FYB1: variants seen among roughly 807,000 people sequenced by gnomAD.
The protein encoded by FYB1 is FYN-binding protein 1.
In FYB1, 41 loss-of-function variants were observed where a neutral mutation model predicts 94.1. The ratio of observed to expected loss-of-function variants is 0.44; its 90% CI spans 0.34 to 0.57. The LOEUF (loss-of-function observed/expected upper bound fraction) is 0.57, where lower values mean the gene tolerates loss of function less well. Among genes scored for constraint, FYB1 ranks in the 20% least tolerant of loss-of-function variants. FYB1 has a pLI of 0.02. For missense variants in FYB1, 1,050 were observed against 976.8 expected, an observed-to-expected ratio of 1.07 and a Z score of -1.00; for synonymous variants, 367 against 353.2, an observed-to-expected ratio of 1.04 and a Z score of -0.44.
chr5:39,259,733 G>A (rs934182225), intron 1 of FYB1, among the ~76,000 whole-genome samples: 2 of 152,106 alleles, frequency 1.3e-5, no homozygotes, highest in African/African-American at 4.8e-5. Context: ...CAGAATATAA[G>A]AATATTTAAA....
chr5:39,200,667 A>T (rs910329830), intron 2 of FYB1, among the ~76,000 whole-genome samples: 2 of 152,218 alleles, frequency 1.3e-5, no homozygotes, highest in African/African-American at 4.8e-5. Flanking sequence ...GTGTGTTTGA[A>T]TTAGCAGAGG....
chr5:39,125,632 A>G (rs1195268305), intron 12 of FYB1, among the ~76,000 whole-genome samples: 1 of 152,178 alleles, frequency 6.6e-6, no homozygotes, highest in Admixed American at 6.5e-5. Context: ...GAGTTTTCAG[A>G]TGTAATGCTA....
chr5:39,173,957 T>G (rs1265402123), intron 2 of FYB1, among the ~76,000 whole-genome samples: 1 of 152,200 alleles, frequency 6.6e-6, no homozygotes, highest in Non-Finnish European at 1.5e-5. Flanking sequence ...AATTTTAGAA[T>G]AGATTTTTCT....
At chr5:39,247,686 C>T (rs1414922237) in intron 1 of FYB1, among the ~76,000 whole-genome samples, 1 of 151,894 alleles carries the variant, frequency 6.6e-6, no homozygotes, top group African/African-American at 2.4e-5. Context: ...TCAATTGTGA[C>T]ATTTCACCAT....
chr5:39,202,030 C>T lies in FYB1; in HGVS notation c.931G>A (p.Ala311Thr). The T allele has an allele frequency of 6.2e-7, 1 of 1,614,044 alleles. No homozygotes were observed. Among genetic ancestry groups the T allele is most frequent in the Non-Finnish European group, 8.5e-7 (1 of 1,179,892 alleles). Residue 311 changes from alanine to threonine, a missense_variant, in exon 2 of 19, where the codon GCC (alanine) becomes ACC (threonine). Coordinates refer to ENST00000512982, the MANE Select transcript of FYB1 (RefSeq NM_001465.6). Reference protein sequence around the residue: ...QEELASGTPPARFPKAPSKLT... With the variant: ...QEELASGTPPTRFPKAPSKLT... ...TTAGAAGGGGCCTTAGGGAACCTGGCAGGAGGAGTCCCTGAGGCCAACTCT... is the reference window on the plus strand; with the variant it reads ...TTAGAAGGGGCCTTAGGGAACCTGGTAGGAGGAGTCCCTGAGGCCAACTCT...
intron 1 of FYB1, among the ~76,000 whole-genome samples, chr5:39,218,598 C>T (rs114018466): frequency 0.011 from 1,655 of 152,204 alleles, 32 homozygotes; most frequent in African/African-American, 0.038. Flanking sequence ...GTTTTATCCC[C>T]TCAACAACTC....
At chr5:39,110,287 A>T in intron 17 of FYB1, 69 bp downstream of exon 17, 1 of 895,108 alleles carries the variant, frequency 1.1e-6, no homozygotes, top group Non-Finnish European at 1.7e-6. Flanking sequence ...AAGTAATATT[A>T]TAAATATTTT....
In FYB1 at chr5:39,202,932, G is replaced by T. The variant is rs373104600; in HGVS notation, c.29C>A (p.Pro10Gln). 6.2e-7 allele frequency: 1 copy of T among 1,613,840 alleles called. No homozygotes were observed. Among genetic ancestry groups the T allele is most frequent in the Non-Finnish European group, 8.5e-7 (1 of 1,179,856 alleles). ...GCTATTGACTGAGACATCCTCTGTC[G>T]GGTTGCCCCCCGTGTTATATTTCGC... MAKYNTGGN[P>Q]TEDVSVNSRP... The change falls in exon 2 of 19, where the codon CCG becomes CAG. Residue 10 changes from proline to glutamine, a missense_variant. Pro to Gln is a moderately conservative substitution (Grantham distance 76). Coordinates refer to ENST00000512982, the MANE Select transcript of FYB1 (RefSeq NM_001465.6).
intron 2 of FYB1, among the ~76,000 whole-genome samples, chr5:39,158,531 G>A (rs1743959699): frequency 6.6e-6 from 1 of 152,148 alleles, no homozygotes; most frequent in Non-Finnish European, 1.5e-5. Context: ...CAACGAGGGT[G>A]GTGGTATACT....
chr5:39,131,010 A>T (rs1255862244), intron 9 of FYB1, among the ~76,000 whole-genome samples: 3 of 152,146 alleles, frequency 2.0e-5, no homozygotes, highest in African/African-American at 7.2e-5. Context: ...ATTAAATTAA[A>T]TTATCTTTCA....
At chr5:39,242,700 C>T (rs10051139) in intron 1 of FYB1, among the ~76,000 whole-genome samples, 25,390 of 151,714 alleles carry the variant, frequency 0.17, 5,662 homozygotes, top group African/African-American at 0.49. Context: ...TTCTAGATCC[C>T]CGAGGAATCA....
intron 2 of FYB1, among the ~76,000 whole-genome samples, chr5:39,194,375 C>T (rs1447496037): frequency 6.6e-6 from 1 of 151,912 alleles, no homozygotes; most frequent in Non-Finnish European, 1.5e-5. Context: ...TTAAAAAATA[C>T]TAAAGCTGGA....
intron 1 of FYB1, among the ~76,000 whole-genome samples, chr5:39,243,184 C>T (rs1461961701): frequency 1.6e-4 from 24 of 151,736 alleles, no homozygotes; most frequent in African/African-American, 4.4e-4. Context: ...GTTGCCATTG[C>T]TTTTGGTGTT....
intron 1 of FYB1, among the ~76,000 whole-genome samples, chr5:39,267,734 T>C (rs1250873523): frequency 6.6e-6 from 1 of 152,222 alleles, no homozygotes; most frequent in Non-Finnish European, 1.5e-5. Context: ...ACTGAGAAAT[T>C]CACTTACTAT....
intron 1 of FYB1, among the ~76,000 whole-genome samples, chr5:39,246,303 G>C (rs146137362): frequency 6.6e-6 from 1 of 152,260 alleles, no homozygotes; most frequent in Non-Finnish European, 1.5e-5. Context: ...GATGTTTAAA[G>C]CTCAAGTGTA....
chr5:39,116,002 G>T (rs1008595490), intron 16 of FYB1, among the ~76,000 whole-genome samples: 7 of 152,106 alleles, frequency 4.6e-5, no homozygotes, highest in African/African-American at 1.7e-4. Flanking sequence ...ACCTTCCCAG[G>T]AATAGACTTC....
intron 1 of FYB1, among the ~76,000 whole-genome samples, chr5:39,259,601 G>T (rs1188445281): frequency 6.6e-6 from 1 of 152,064 alleles, no homozygotes; most frequent in Admixed American, 6.6e-5. Context: ...ATGACAAAGT[G>T]AACTCAACAA....
intron 1 of FYB1, among the ~76,000 whole-genome samples, chr5:39,233,728 C>T (rs182758739): frequency 7.4e-4 from 113 of 152,208 alleles, no homozygotes; most frequent in Non-Finnish European, 1.1e-3. Context: ...TGCATTCAGT[C>T]TGTTGTGGCA....
At chr5:39,269,118 C>A (rs1186066834) in intron 1 of FYB1, among the ~76,000 whole-genome samples, 1 of 151,830 alleles carries the variant, frequency 6.6e-6, no homozygotes, top group African/African-American at 2.4e-5. Context: ...GGCGTGATCT[C>A]GGCTCACTGC....
Sources: gnomAD v4.1 joint callset for allele counts (sites outside exome capture counted in the v4.1 genomes callset) on GRCh38, gnomAD v4.1.1 for gene constraint, MANE v1.5 for transcripts, NCBI Gene and HGNC (gene_info 2026-07-23, HGNC 2026-07-21) for gene names.